ZNF701: variants seen among roughly 807,000 people sequenced by gnomAD.
ZNF701 encodes zinc finger protein 701.
A neutral mutation model predicts 7.1 loss-of-function variants in ZNF701; 6 were observed. The ratio of observed to expected loss-of-function variants is 0.84; its 90% CI spans 0.46 to 1.66. The LOEUF (loss-of-function observed/expected upper bound fraction) is 1.66. Among genes scored for constraint, ZNF701 ranks in the 40% most tolerant of loss-of-function variants. The pLI is 0.01. For missense variants in ZNF701, 541 were observed against 559.2 expected, an observed-to-expected ratio of 0.97 and a Z score of 0.33; for synonymous variants, 166 against 188.2, an observed-to-expected ratio of 0.88 and a Z score of 0.97.
intron 3 of ZNF701, among the ~76,000 whole-genome samples, chr19:52,578,839 G>C (rs1600079106): frequency 1.3e-5 from 2 of 152,048 alleles, no homozygotes; most frequent in Admixed American, 6.6e-5. Flanking sequence ...CTCACTGCAA[G>C]CTCCACCTCC....
rs929431153 is a variant in ZNF701, at chr19:52,586,918, C to T, written c.*3461C>T. The stretch of plus-strand genomic sequence containing the variant: ...TTATCATCTCATGGCTTTGACCCAC[C>T]TACATGGCTCCGTGTCCCCTGCAGG... On this transcript the variant is annotated 3_prime_UTR_variant, in exon 4 of 4. Coordinates refer to ENST00000391785, the MANE Select transcript of ZNF701 (RefSeq NM_018260.3). 6.6e-6 allele frequency: 1 copy of T among 152,172 alleles called. No individual in the cohort carries two copies. The highest frequency in any genetic ancestry group is 1.5e-5 in the Non-Finnish European group (1 of 68,042). 9.4% of individuals were successfully genotyped at this position (152,172 alleles called of 1,614,324 possible). A position where few individuals can be genotyped will look rare whatever the true frequency, so the allele number is the denominator to read the frequency against.
rs1038198061 is a variant in ZNF701 at position 52,586,663 on chromosome 19, A to G, written c.*3206A>G. Reference sequence around the variant, plus strand: ...CTTACAAAACTCGGAGCTTCTCAGGATAACTTGGTGAAACGTCCCCCGCTG... The same window carrying G: ...CTTACAAAACTCGGAGCTTCTCAGGGTAACTTGGTGAAACGTCCCCCGCTG... On this transcript the variant is annotated 3_prime_UTR_variant, in exon 4 of 4. Coordinates refer to ENST00000391785, the MANE Select transcript of ZNF701 (RefSeq NM_018260.3). The G allele has an allele frequency of 3.3e-5, 5 of 152,116 alleles. No individual in the cohort carries two copies. Among genetic ancestry groups the G allele is most frequent in the Admixed American group, 1.3e-4 (2 of 15,256 alleles). 9.4% of individuals were successfully genotyped at this position (152,116 alleles called of 1,614,324 possible). A position where few individuals can be genotyped will look rare whatever the true frequency, so the allele number is the denominator to read the frequency against.
intron 3 of ZNF701, 74 bp from the exon 4 acceptor site, chr19:52,582,128 G>T: frequency 7.7e-7 from 1 of 1,291,562 alleles, no homozygotes; most frequent in Non-Finnish European, 1.0e-6. Flanking sequence ...TGTTTTTTAT[G>T]TAATATTTAC....
intron 3 of ZNF701, among the ~76,000 whole-genome samples, chr19:52,578,218 C>T (rs2059948936): frequency 7.3e-6 from 1 of 136,542 alleles, no homozygotes; most frequent in African/African-American, 2.8e-5. Context: ...CGCACCACTG[C>T]ACTCCAGCCT....
At chr19:52,588,250 G>C (rs1399772695), downstream of ZNF701, among the ~76,000 whole-genome samples, 8 of 151,830 alleles carry the variant, frequency 5.3e-5, no homozygotes, top group Non-Finnish European at 5.9e-5. Flanking sequence ...CTCTTTGGGA[G>C]GGTTGGGTGG....
At chr19:52,596,020 G>T in the ZNF701 span, 1 of 1,528,670 alleles carries the variant, frequency 6.5e-7, no homozygotes, top group Non-Finnish European at 9.1e-7. Flanking sequence ...TAATTTGTAG[G>T]CTCAAAACCC....
At chr19:52,571,587 T>C (rs151284831) in intron 1 of ZNF701, among the ~76,000 whole-genome samples, 18,325 of 152,034 alleles carry the variant, frequency 0.12, 1,167 homozygotes, top group Middle Eastern at 0.23. Flanking sequence ...CTCGAACTCC[T>C]GACCTCAGGT....
In ZNF701 at chr19:52,576,041, A is replaced by G. The variant is rs376312018; in HGVS notation, c.142+20A>G. On this transcript the variant is annotated intron_variant, in intron 3 of 3. Transcript: ENST00000391785. ...CCCTGGGTGAGGATAACTTCCCTCCAGAAGTGGGGATGTGCCCTTGTGGAT... is the reference window on the plus strand; with the variant it reads ...CCCTGGGTGAGGATAACTTCCCTCCGGAAGTGGGGATGTGCCCTTGTGGAT... The G allele has an allele frequency of 2.2e-4, 344 of 1,597,080 alleles. 1 individual carries two copies. In the African/African-American group the frequency reaches 4.2e-3, roughly 19 times the overall value.
Position 52,582,298 on chromosome 19 carries a change from A to G in ZNF701, c.239A>G (p.His80Arg). Residue 80 changes from histidine (H) to arginine (R), a missense_variant, in exon 4 of 4, where the codon CAT becomes CGT. Physicochemically the swap from His to Arg is conservative, Grantham distance 29. Transcript: ENST00000391785. ...GGGACATTGCAAATACATGCAAGTC[A>G]TCACATTGGAGATACTTGCTTCCAG... ...HTGTLQIHAS[H>R]HIGDTCFQEI... The G allele has an allele frequency of 6.2e-7, 1 of 1,613,964 alleles. No individual in the cohort carries two copies. The highest frequency in any genetic ancestry group is 1.3e-5 in the African/African-American group (1 of 75,060).
intron 3 of ZNF701, among the ~76,000 whole-genome samples, chr19:52,577,351 T>C (rs1413110148): frequency 6.6e-6 from 1 of 152,078 alleles, no homozygotes; most frequent in Non-Finnish European, 1.5e-5. Context: ...CCACCTGCCT[T>C]GGCTTCCCAA....
rs143873204 is a variant in ZNF701 at position 52,583,228 on chromosome 19, C to A, written c.1169C>A (p.Thr390Asn). 5 of 1,610,002 alleles carry A rather than the reference C, an allele frequency of 3.1e-6. No homozygotes were observed. Among genetic ancestry groups the A allele is most frequent in the Non-Finnish European group, 4.2e-6 (5 of 1,177,154 alleles). The change falls in exon 4 of 4, where the codon ACC (threonine) becomes AAC (asparagine). Residue 390 changes from threonine (T) to asparagine (N), a missense_variant. Physicochemically the swap from Thr to Asn is moderately conservative, Grantham distance 65. Coordinates refer to ENST00000391785, the MANE Select transcript of ZNF701 (RefSeq NM_018260.3). ...KPYKCNECGK[T>N]FVQNSSLVMH... ...TACAAGTGTAATGAGTGTGGCAAGA[C>A]CTTTGTTCAAAATTCATCTCTTGTA...
intron 1 of ZNF701, among the ~76,000 whole-genome samples, chr19:52,573,610 C>G (rs1293419440): frequency 6.6e-6 from 1 of 151,946 alleles, no homozygotes; most frequent in Non-Finnish European, 1.5e-5. Context: ...CTGAGCTCTA[C>G]TGATCCTCCC....
chr19:52,579,745 G>A (rs1471500904), intron 3 of ZNF701, among the ~76,000 whole-genome samples: 1 of 138,290 alleles, frequency 7.2e-6, no homozygotes, highest in Admixed American at 7.0e-5. Context: ...ACGGTCGTGG[G>A]TGGCAGTAAT....
chr19:52,597,069 C>T, the ZNF701 span: 2 of 1,246,464 alleles, frequency 1.6e-6, no homozygotes, highest in African/African-American at 1.5e-5. Flanking sequence ...CTGGAGAATC[C>T]ATAATGAAGA....
intron 3 of ZNF701, among the ~76,000 whole-genome samples, chr19:52,577,685 G>A (rs1163666033): frequency 6.6e-6 from 1 of 152,006 alleles, no homozygotes; most frequent in Non-Finnish European, 1.5e-5. Flanking sequence ...ACCAGTGTCT[G>A]GGAAGGCACC....
chr19:52,584,897 G>C lies in ZNF701; in HGVS notation c.*1440G>C, dbSNP rs979041158. Reference sequence around the variant, plus strand: ...CCACCTCCTCGGGGGTCTCCCCGCGGGTCTGGCTTCTGTACTGTGCTGATT... The same window carrying C: ...CCACCTCCTCGGGGGTCTCCCCGCGCGTCTGGCTTCTGTACTGTGCTGATT... On this transcript the variant is annotated 3_prime_UTR_variant, in exon 4 of 4. Coordinates refer to ENST00000391785, the MANE Select transcript of ZNF701 (RefSeq NM_018260.3). 1 of 152,198 alleles carries C rather than the reference G, an allele frequency of 6.6e-6. No individual in the cohort carries two copies. The highest frequency in any genetic ancestry group is 1.5e-5 in the Non-Finnish European group (1 of 68,074). The allele number at this position is 152,198 out of a possible 1,614,324, so 9.4% of individuals were successfully genotyped here. A position where few individuals can be genotyped will look rare whatever the true frequency, so the allele number is the denominator to read the frequency against.
intron 3 of ZNF701, among the ~76,000 whole-genome samples, chr19:52,581,798 C>A (rs2059977326): frequency 1.3e-5 from 2 of 152,052 alleles, no homozygotes; most frequent in South Asian, 4.2e-4. Context: ...CAAAATAGTA[C>A]CTTGTCTGGT....
chr19:52,578,084 C>G (rs868702126), intron 3 of ZNF701, among the ~76,000 whole-genome samples: 2 of 151,636 alleles, frequency 1.3e-5, no homozygotes, highest in Non-Finnish European at 2.9e-5. Flanking sequence ...GAAACCCCGT[C>G]TCTACTAAAA....
chr19:52,576,405 G>A (rs184309782), intron 3 of ZNF701, among the ~76,000 whole-genome samples: 1 of 152,036 alleles, frequency 6.6e-6, no homozygotes. Context: ...GCCGGGCGTC[G>A]TGGTGCATGC....
Sources: gnomAD v4.1 joint callset for allele counts (sites outside exome capture counted in the v4.1 genomes callset) on GRCh38, gnomAD v4.1.1 for gene constraint, MANE v1.5 for transcripts, NCBI Gene and HGNC (gene_info 2026-07-23, HGNC 2026-07-21) for gene names.